Variants in MIA2 observed in about 807,000 individuals in gnomAD.
MIA2 encodes the protein melanoma inhibitory activity protein 2.
Under a neutral mutation model 167.8 loss-of-function variants are expected in MIA2, and 127 were observed. The observed-to-expected ratio is 0.76, with a 90% CI of 0.66 to 0.88. MIA2 has a LOEUF of 0.88. Ranked by LOEUF, MIA2 falls within the 40% of genes least tolerant of loss-of-function variation. The probability of loss-of-function intolerance (pLI) is 0.00; values close to 1 mark genes in which losing one functional copy is unlikely to be tolerated. For synonymous variants in MIA2, 552 were observed against 541.9 expected, an observed-to-expected ratio of 1.02 and a Z score of -0.26; for missense variants, 1,690 against 1,624.7, an observed-to-expected ratio of 1.04 and a Z score of -0.69.
intron 6 of MIA2, among the ~76,000 whole-genome samples, chr14:39,256,419 T>C (rs979647701): frequency 6.6e-6 from 1 of 152,162 alleles, no homozygotes; most frequent in Admixed American, 6.5e-5. Context: ...TAGGTAATTC[T>C]TCCAATTCAT....
At chr14:39,284,031 T>G (rs2059300702) in intron 9 of MIA2, among the ~76,000 whole-genome samples, 1 of 152,220 alleles carries the variant, frequency 6.6e-6, no homozygotes, top group Non-Finnish European at 1.5e-5. Context: ...TTGTTTCTTT[T>G]GCTTTGCAAA....
intron 23 of MIA2, among the ~76,000 whole-genome samples, chr14:39,359,248 A>G (rs952904006): frequency 8.5e-5 from 13 of 152,144 alleles, no homozygotes; most frequent in East Asian, 1.9e-4. Context: ...AGCCTCAGCA[A>G]TGGCGGGCAC....
At position 39,294,921 on chromosome 14, in the gene MIA2, T is replaced by C; in HGVS notation, c.2392-4T>C. 1.2e-6 allele frequency: 2 copies of C among 1,604,546 alleles called. No homozygotes were observed. Among genetic ancestry groups the C allele is most frequent in the Non-Finnish European group, 1.7e-6 (2 of 1,172,542 alleles). On this transcript the variant is annotated splice_region_variant and splice_polypyrimidine_tract_variant and intron_variant, in intron 12 of 28. Coordinates refer to ENST00000640607, the MANE Select transcript of MIA2 (RefSeq NM_001329214.4). ...ACAAACTTGACATTTTTTGTTTCACTTAGGCCAAAATGACCTTCAAGATAT... is the reference window on the plus strand; with the variant it reads ...ACAAACTTGACATTTTTTGTTTCACCTAGGCCAAAATGACCTTCAAGATAT...
intron 2 of MIA2, 24 bp downstream of exon 2, chr14:39,237,079 G>A (rs1303510682): frequency 6.2e-7 from 1 of 1,606,784 alleles, no homozygotes; most frequent in East Asian, 2.2e-5. Flanking sequence ...TTTAAAAATT[G>A]AATGCAGAAT....
At chr14:39,238,669 C>G (rs2053881067) in intron 2 of MIA2, among the ~76,000 whole-genome samples, 1 of 151,436 alleles carries the variant, frequency 6.6e-6, no homozygotes, top group African/African-American at 2.4e-5. Flanking sequence ...GTAGTGCATG[C>G]CTGTAAAGCC....
chr14:39,237,824 C>G (rs1275747340), intron 2 of MIA2, among the ~76,000 whole-genome samples: 1 of 152,196 alleles, frequency 6.6e-6, no homozygotes, highest in African/African-American at 2.4e-5. Context: ...ACTGCAACCT[C>G]TGCCTCCCAG....
At chr14:39,303,244 T>C (rs1407773813) in intron 15 of MIA2, among the ~76,000 whole-genome samples, 2 of 152,160 alleles carry the variant, frequency 1.3e-5, no homozygotes, top group Non-Finnish European at 2.9e-5. Flanking sequence ...ATAACTCTGT[T>C]CTTGGAGTTA....
chr14:39,302,333 C>G, intron 15 of MIA2, 84 bp downstream of exon 15: 1 of 1,447,408 alleles, frequency 6.9e-7, no homozygotes. Context: ...GCACCATGTT[C>G]TTTATATGCT....
chr14:39,385,765 G>C, intron 23 of MIA2: 1 of 874,436 alleles, frequency 1.1e-6, no homozygotes, highest in Non-Finnish European at 2.0e-6. Context: ...AGATGAATTT[G>C]TTACCAGGTC....
intron 9 of MIA2, among the ~76,000 whole-genome samples, chr14:39,282,354 A>C (rs1594985924): frequency 6.6e-6 from 1 of 152,212 alleles, no homozygotes; most frequent in African/African-American, 2.4e-5. Context: ...TTTATTGTAT[A>C]TATTTAAGGT....
chr14:39,289,394 T>C (rs2060413096), intron 9 of MIA2, among the ~76,000 whole-genome samples: 1 of 152,148 alleles, frequency 6.6e-6, no homozygotes, highest in Non-Finnish European at 1.5e-5. Flanking sequence ...TTTGTATTTT[T>C]AGTAGAGACA....
intron 27 of MIA2, among the ~76,000 whole-genome samples, chr14:39,348,154 T>C (rs918702593): frequency 2.6e-5 from 4 of 152,154 alleles, no homozygotes; most frequent in Admixed American, 6.6e-5. Context: ...ATCTCATGCT[T>C]TACTAGAATA....
At position 39,240,660 on chromosome 14, in the gene MIA2, A is replaced by G. The variant is rs2053996088; in HGVS notation, c.336+13A>G. The G allele has an allele frequency of 1.9e-6, 3 of 1,582,778 alleles. No individual in the cohort carries two copies. The highest frequency in any genetic ancestry group is 2.6e-6 in the Non-Finnish European group (3 of 1,153,224). On this transcript the variant is annotated intron_variant, in intron 3 of 28. Transcript: ENST00000640607. ...GATGTCAACGAAAGTGAGTAAACTC[A>G]TTCTCAGTTGTTAATTGAATTTAAA... is the stretch of plus-strand genomic sequence containing the variant.
intron 27 of MIA2, 56 bp downstream of exon 27, chr14:39,347,827 T>TTC: frequency 7.0e-7 from 1 of 1,437,964 alleles, no homozygotes; most frequent in East Asian, 2.4e-5. Context: ...TCTTTTTTTT[T>TTC]TTTTTTTTTT....
intron 18 of MIA2, among the ~76,000 whole-genome samples, chr14:39,310,015 A>G (rs918447760): frequency 2.0e-5 from 3 of 151,716 alleles, no homozygotes; most frequent in African/African-American, 7.3e-5. Flanking sequence ...GCTCTTAATG[A>G]TAGTTATTAC....
At chr14:39,320,734 A>G (rs1054550296) in intron 23 of MIA2, among the ~76,000 whole-genome samples, 194 bp from the exon 24 acceptor site, 2 of 152,196 alleles carry the variant, frequency 1.3e-5, no homozygotes, top group Non-Finnish European at 2.9e-5. Flanking sequence ...TATTTGATAG[A>G]CAAATATCGA....
intron 23 of MIA2, among the ~76,000 whole-genome samples, chr14:39,363,240 A>G (rs2074732545): frequency 6.6e-6 from 1 of 152,152 alleles, no homozygotes; most frequent in African/African-American, 2.4e-5. Context: ...TTTAAGTCTA[A>G]TGTTTCTGGC....
chr14:39,236,880 T>G (rs760531486), intron 1 of MIA2, 42 bp from the exon 2 acceptor site: 1 of 1,548,008 alleles, frequency 6.5e-7, no homozygotes, highest in Non-Finnish European at 8.8e-7. Flanking sequence ...GAAATATCAT[T>G]TTAATTTAAA....
chr14:39,332,239 A>G (rs1203996116), intron 25 of MIA2, among the ~76,000 whole-genome samples: 1 of 151,862 alleles, frequency 6.6e-6, no homozygotes, highest in Non-Finnish European at 1.5e-5. Flanking sequence ...ATTTGGCTAT[A>G]TTGATACTTG....
Sources: gnomAD v4.1 joint callset for allele counts (sites outside exome capture counted in the v4.1 genomes callset) on GRCh38, gnomAD v4.1.1 for gene constraint, MANE v1.5 for transcripts, NCBI Gene and HGNC (gene_info 2026-07-23, HGNC 2026-07-21) for gene names.